The following GABRG2 variants were observed in gnomAD, a reference collection of about 807,000 sequenced individuals.
GABRG2 encodes gamma-aminobutyric acid type A receptor subunit gamma2, also known as gamma-aminobutyric acid receptor subunit gamma-2.
Under a neutral mutation model 56.4 loss-of-function variants are expected in GABRG2, and 16 were observed. The observed-to-expected ratio is 0.28, with a 90% CI of 0.19 to 0.43. The LOEUF (loss-of-function observed/expected upper bound fraction) is 0.43. Ranked by LOEUF, GABRG2 falls within the 20% of genes least tolerant of loss-of-function variation. The pLI, the probability that GABRG2 is intolerant of heterozygous loss-of-function variation, is 1.00. For synonymous variants in GABRG2, 208 were observed against 205.5 expected (o/e 1.01, Z -0.10); for missense variants, 327 against 582.7 (o/e 0.56, Z 4.52).
rs565534050 is a variant in GABRG2, at chr5:162,078,652, G to A, written c.107+10546G>A. On this transcript the variant is annotated intron_variant, in intron 1 of 9. Coordinates refer to ENST00000639213, the MANE Select transcript of GABRG2 (RefSeq NM_198904.4). Reference sequence around the variant, plus strand: ...AATCTCCTGACCTCCTGATCCACCCGCCTTGGCCTCCCAAAATGCTGGGAT... The same window carrying A: ...AATCTCCTGACCTCCTGATCCACCCACCTTGGCCTCCCAAAATGCTGGGAT... Among the ~76,000 whole-genome samples, 17 of 151,160 alleles carry A rather than the reference G, an allele frequency of 1.1e-4. No homozygotes were observed. The South Asian group carries it at 1.7e-3, about 15-fold the overall frequency.
At chr5:162,106,491 G>A (rs776119071) in intron 6 of GABRG2, among the ~76,000 whole-genome samples, 4 of 152,102 alleles carry the variant, frequency 2.6e-5, no homozygotes, top group Non-Finnish European at 4.4e-5. Flanking sequence ...GTTTTTGCTC[G>A]ATATTTGCTT....
intron 6 of GABRG2, among the ~76,000 whole-genome samples, chr5:162,120,990 C>G (rs1762944496): frequency 6.6e-6 from 1 of 152,096 alleles, no homozygotes; most frequent in African/African-American, 2.4e-5. Flanking sequence ...ATATCAGGTT[C>G]AAAGTTAAAC....
intron 6 of GABRG2, among the ~76,000 whole-genome samples, chr5:162,106,630 T>C (rs1445339086): frequency 2.6e-5 from 4 of 152,204 alleles, no homozygotes; most frequent in African/African-American, 9.6e-5. Flanking sequence ...AATGTGACTT[T>C]CTTTTAGACT....
chr5:162,137,761 T>C (rs1264694842), intron 6 of GABRG2, among the ~76,000 whole-genome samples: 1 of 152,068 alleles, frequency 6.6e-6, no homozygotes, highest in African/African-American at 2.4e-5. Context: ...AGTCTCACTC[T>C]GTCACCCACA....
At chr5:162,127,759 C>T (rs1038645080) in intron 6 of GABRG2, among the ~76,000 whole-genome samples, 1 of 152,090 alleles carries the variant, frequency 6.6e-6, no homozygotes, top group East Asian at 1.9e-4. Context: ...TGCTTTCTAT[C>T]AGATCAATCA....
chr5:162,077,240 T>C (rs954175744), intron 1 of GABRG2, among the ~76,000 whole-genome samples: 1 of 152,160 alleles, frequency 6.6e-6, no homozygotes, highest in African/African-American at 2.4e-5. Context: ...TATTTTTCTG[T>C]TGCACAACTT....
At position 162,099,017 on chromosome 5, in the gene GABRG2, A is replaced by T. The variant is rs527876015; in HGVS notation, c.548+1159A>T. The T allele has an allele frequency of 1.7e-3, 260 of 152,240 alleles. 1 individual carries two copies. Among genetic ancestry groups the T allele is most frequent in the African/African-American group, 5.7e-3 (238 of 41,586 alleles). 9.4% of individuals were successfully genotyped at this position (152,240 alleles called of 1,614,324 possible). ...CTGATATATAGTAAATATAGAAAAT[A>T]TTAAAATTATTTATACATTTTCAAT... On this transcript the variant is annotated intron_variant, in intron 4 of 9. Coordinates refer to ENST00000639213, the MANE Select transcript of GABRG2 (RefSeq NM_198904.4).
At chr5:162,121,039 C>T (rs999263715) in intron 6 of GABRG2, among the ~76,000 whole-genome samples, 1 of 152,142 alleles carries the variant, frequency 6.6e-6, no homozygotes, top group East Asian at 1.9e-4. Flanking sequence ...TAAATTCTTA[C>T]TTATTCATGC....
chr5:162,141,284 T>G (rs113824610), intron 6 of GABRG2, among the ~76,000 whole-genome samples: 24,067 of 152,054 alleles, frequency 0.16, 1,965 homozygotes, highest in South Asian at 0.23. Context: ...TGATCCGCCC[T>G]CCTCGGCCTC....
chr5:162,072,905 A>G (rs1191966208), intron 1 of GABRG2, among the ~76,000 whole-genome samples: 1 of 152,032 alleles, frequency 6.6e-6, no homozygotes, highest in Non-Finnish European at 1.5e-5. Flanking sequence ...ATATGTGTAT[A>G]CATATGAATC....
chr5:162,141,815 C>T (rs1253473136), intron 6 of GABRG2, among the ~76,000 whole-genome samples: 1 of 152,110 alleles, frequency 6.6e-6, no homozygotes, highest in African/African-American at 2.4e-5. Flanking sequence ...ACAAGATACG[C>T]ACAATGTAGA....
At chr5:162,140,856 A>C (rs1198310823) in intron 6 of GABRG2, among the ~76,000 whole-genome samples, 1 of 152,242 alleles carries the variant, frequency 6.6e-6, no homozygotes, top group Non-Finnish European at 1.5e-5. Flanking sequence ...GGGATGATTC[A>C]AAATGAATGA....
At chr5:162,082,034 A>G (rs1179141739) in intron 1 of GABRG2, among the ~76,000 whole-genome samples, 1 of 151,932 alleles carries the variant, frequency 6.6e-6, no homozygotes, top group African/African-American at 2.4e-5. Context: ...AGTTTTCTAG[A>G]CAAAATGAAG....
intron 1 of GABRG2, among the ~76,000 whole-genome samples, chr5:162,079,167 A>G (rs1309202879): frequency 6.6e-6 from 1 of 152,056 alleles, no homozygotes; most frequent in Non-Finnish European, 1.5e-5. Context: ...TACAGTTTCC[A>G]TGGTCCATGA....
At chr5:162,111,781 C>T (rs193232133) in intron 6 of GABRG2, among the ~76,000 whole-genome samples, 32 of 152,064 alleles carry the variant, frequency 2.1e-4, no homozygotes, top group African/African-American at 7.7e-4. Context: ...AATTTTTACT[C>T]CATAAAGAAA....
At chr5:162,100,345 A>T (rs1185984174) in intron 4 of GABRG2, 1 of 152,182 alleles carries the variant, frequency 6.6e-6, no homozygotes, top group Admixed American at 6.5e-5. Context: ...TCCTAAAATA[A>T]TACTTTCCTT....
At chr5:162,111,296 A>G (rs1047907739) in intron 6 of GABRG2, among the ~76,000 whole-genome samples, 28 of 152,162 alleles carry the variant, frequency 1.8e-4, no homozygotes, top group African/African-American at 6.5e-4. Flanking sequence ...TTAACCAAAA[A>G]TGATAACCTA....
chr5:162,080,622 G>A (rs988796616), intron 1 of GABRG2, among the ~76,000 whole-genome samples: 3 of 152,092 alleles, frequency 2.0e-5, no homozygotes, highest in African/African-American at 7.2e-5. Context: ...TGGATAAGGG[G>A]TAAGACTTCA....
chr5:162,151,011 G>A (rs966044919), intron 8 of GABRG2: 3 of 152,180 alleles, frequency 2.0e-5, no homozygotes, highest in African/African-American at 7.2e-5. Context: ...GTTCTATTGA[G>A]AGTTGGCATA....
Sources: gnomAD v4.1 joint callset for allele counts (sites outside exome capture counted in the v4.1 genomes callset) on GRCh38, gnomAD v4.1.1 for gene constraint, MANE v1.5 for transcripts, NCBI Gene and HGNC (gene_info 2026-07-23, HGNC 2026-07-21) for gene names.